The following NUP153 variants were observed in gnomAD, a reference collection of about 807,000 sequenced individuals.
NUP153 encodes nucleoporin 153, also known as nuclear pore complex protein Nup153.
NUP153 carries 27 observed loss-of-function variants against 134.6 expected under a neutral mutation model. That is an observed-to-expected ratio of 0.20 (90% CI 0.15 to 0.28). The LOEUF is 0.28. Among genes scored for constraint, NUP153 ranks in the 10% least tolerant of loss-of-function variants. The pLI, the probability that NUP153 is intolerant of heterozygous loss-of-function variation, is 1.00. For synonymous variants in NUP153, 640 were observed against 623.5 expected (o/e 1.03, Z -0.40); for missense variants, 1,821 against 1,731.3 (o/e 1.05, Z -0.92).
rs768853088 is a variant in NUP153, at chr6:17,706,329, C to T, written c.59G>A (p.Arg20His). The change falls in exon 1 of 22, where the codon CGT (arginine) becomes CAT (histidine). Residue 20 changes from arginine (R) to histidine (H), a missense_variant. Coordinates refer to ENST00000262077, the MANE Select transcript of NUP153 (RefSeq NM_005124.4). This position sits in a 1 kb window ranked among gnomAD's most constrained non-coding sequence, Gnocchi z 5.9. ...GGGGGKIRTR[R>H]CHQGPIKPYQ... ...AGGCTTAATTGGCCCCTGGTGGCAA[C>T]GCCGCGTCCGGATCTTGCCGCCACC... The T allele has an allele frequency of 3.1e-6, 5 of 1,613,620 alleles. 1 individual carries two copies. The South Asian group carries it at 4.4e-5, about 14-fold the overall frequency.
At chr6:17,619,329 G>A (rs1764521060) in intron 20 of NUP153, among the ~76,000 whole-genome samples, 2 of 152,150 alleles carry the variant, frequency 1.3e-5, no homozygotes, top group South Asian at 4.1e-4. Flanking sequence ...GAACCCTCAA[G>A]AATCACTGGA....
Position 17,616,584 on chromosome 6 carries a change from T to A in NUP153, c.4286A>T (p.Gln1429Leu). The change falls in exon 21 of 22, where the codon CAG (glutamine) becomes CTG (leucine). Residue 1429 changes from glutamine to leucine, a missense_variant. Coordinates refer to ENST00000262077, the MANE Select transcript of NUP153 (RefSeq NM_005124.4). ...ANSSTPAASA[Q>L]PSGSGGFPFN... ...TGGAAAGCCCCCCGAGCCTGAAGGC[T>A]GGGCTGAGGCTGCAGGTGTGCTAGA... is the stretch of plus-strand genomic sequence containing the variant. 1 of 1,614,198 alleles carries A rather than the reference T, an allele frequency of 6.2e-7. No homozygotes were observed. The highest frequency in any genetic ancestry group is 1.1e-5 in the South Asian group (1 of 91,086).
chr6:17,652,175 T>C (rs1766533355), intron 11 of NUP153, among the ~76,000 whole-genome samples: 1 of 151,960 alleles, frequency 6.6e-6, no homozygotes, highest in East Asian at 1.9e-4. Flanking sequence ...CCATGAAAAA[T>C]GAATAAGAAC....
At chr6:17,694,804 C>A (rs1402878456) in intron 1 of NUP153, among the ~76,000 whole-genome samples, 1 of 151,992 alleles carries the variant, frequency 6.6e-6, no homozygotes, top group Non-Finnish European at 1.5e-5. Context: ...TAGTGAAACC[C>A]CGTCTCTACT....
chr6:17,685,998 A>T (rs1488652339), intron 2 of NUP153, among the ~76,000 whole-genome samples: 2 of 152,034 alleles, frequency 1.3e-5, no homozygotes, highest in South Asian at 2.1e-4. Flanking sequence ...ATTAAAAAAA[A>T]TTTGCTGGGC....
Position 17,675,009 on chromosome 6 carries a change from T to C in NUP153, c.748A>G (p.Lys250Glu). 3 of 1,613,640 alleles carry C rather than the reference T, an allele frequency of 1.9e-6. No individual in the cohort carries two copies. Among genetic ancestry groups the C allele is most frequent in the Non-Finnish European group, 2.5e-6 (3 of 1,179,774 alleles). Reference sequence around the variant, plus strand: ...GGAGAATCTCCAAGCTGACTGGTTTTAAGGATTGAAGAATTCCCAAGTGAC... The same window carrying C: ...GGAGAATCTCCAAGCTGACTGGTTTCAAGGATTGAAGAATTCCCAAGTGAC... ...SPSLGNSSIL[K>E]TSQLGDSPFY... The change falls in exon 5 of 22, where the codon AAA becomes GAA. Residue 250 changes from lysine (K) to glutamate (E), a missense_variant. Lys to Glu is a moderately conservative substitution (Grantham distance 56). Transcript: ENST00000262077. This position sits in a 1 kb window ranked among gnomAD's most constrained non-coding sequence, Gnocchi z 4.4.
rs777730145 is a variant in NUP153 at position 17,665,403 on chromosome 6, A to T, written c.1069-18T>A. 6 of 1,582,648 alleles carry T rather than the reference A, an allele frequency of 3.8e-6. No individual in the cohort carries two copies. The highest frequency in any genetic ancestry group is 4.5e-5 in the East Asian group (2 of 44,498). On this transcript the variant is annotated intron_variant, in intron 8 of 21. Transcript: ENST00000262077. The stretch of plus-strand genomic sequence containing the variant: ...GAATCCACCTTACAGGTAAAGAGAA[A>T]TCAAAAACATTTATTTTCATATAAA...
At position 17,641,207 on chromosome 6, in the gene NUP153, T is replaced by G. The variant is rs967718527; in HGVS notation, c.1721-1143A>C. Reference sequence around the variant, plus strand: ...CTGACATGTAAGTTTCTGTGTGGGATGGGGAGAGGAGGGATGGAACAAAAG... The same window carrying G: ...CTGACATGTAAGTTTCTGTGTGGGAGGGGGAGAGGAGGGATGGAACAAAAG... On this transcript the variant is annotated intron_variant, in intron 14 of 21. Transcript: ENST00000262077. Among the ~76,000 whole-genome samples, 3 of 151,886 alleles carry G rather than the reference T, an allele frequency of 2.0e-5. No homozygotes were observed. In the East Asian group the frequency reaches 5.8e-4, roughly 29 times the overall value.
chr6:17,648,097 A>G (rs1766305885), intron 12 of NUP153, among the ~76,000 whole-genome samples, 192 bp from the exon 13 acceptor site: 1 of 152,230 alleles, frequency 6.6e-6, no homozygotes, highest in Admixed American at 6.5e-5. Flanking sequence ...TAAGGAGTAC[A>G]CACAATCTTA....
chr6:17,685,064 TC>T (rs747438162), intron 2 of NUP153, among the ~76,000 whole-genome samples: 7 of 152,194 alleles, frequency 4.6e-5, no homozygotes, highest in Non-Finnish European at 1.0e-4. Flanking sequence ...ATGGCACTGA[TC>T]AACTTTCTTG....
At chr6:17,701,841 G>C (rs934811183) in intron 1 of NUP153, among the ~76,000 whole-genome samples, 1 of 103,180 alleles carries the variant, frequency 9.7e-6, no homozygotes, top group Non-Finnish European at 2.1e-5. Context: ...TCGGGGGGGG[G>C]GGGAAAAAAG....
At chr6:17,692,431 T>C (rs1447562585) in intron 1 of NUP153, among the ~76,000 whole-genome samples, 2 of 152,080 alleles carry the variant, frequency 1.3e-5, no homozygotes, top group Admixed American at 1.3e-4. Flanking sequence ...GGAGAATCAC[T>C]TGAGCCTAGG....
At chr6:17,682,384 C>G (rs180726969) in intron 2 of NUP153, among the ~76,000 whole-genome samples, 18 of 152,236 alleles carry the variant, frequency 1.2e-4, no homozygotes, top group African/African-American at 2.6e-4. Context: ...TTGGTTGTAG[C>G]AATTTCTTAA....
chr6:17,662,370 T>C (rs767892886), intron 9 of NUP153, among the ~76,000 whole-genome samples: 2 of 152,174 alleles, frequency 1.3e-5, no homozygotes, highest in Non-Finnish European at 2.9e-5. Flanking sequence ...TTTTGTCCTG[T>C]TAATTGTGCA....
intron 2 of NUP153, among the ~76,000 whole-genome samples, chr6:17,678,692 C>A (rs1457217323): frequency 6.6e-6 from 1 of 152,064 alleles, no homozygotes; most frequent in East Asian, 1.9e-4. Flanking sequence ...GCCTGTAGTC[C>A]CAACACTTTA....
At chr6:17,640,997 G>A (rs1416516598) in intron 14 of NUP153, among the ~76,000 whole-genome samples, 3 of 152,238 alleles carry the variant, frequency 2.0e-5, no homozygotes, top group African/African-American at 7.2e-5. Flanking sequence ...CATCTAAAGA[G>A]TAATGGTAGC....
intron 1 of NUP153, among the ~76,000 whole-genome samples, chr6:17,697,222 G>C (rs1452413100): frequency 6.6e-6 from 1 of 152,128 alleles, no homozygotes; most frequent in Non-Finnish European, 1.5e-5. Flanking sequence ...CTCTCTCCAA[G>C]AAAGAAGGGT....
chr6:17,636,720 G>C (rs1311932756), intron 16 of NUP153, among the ~76,000 whole-genome samples: 1 of 152,158 alleles, frequency 6.6e-6, no homozygotes, highest in African/African-American at 2.4e-5. Flanking sequence ...TACAATCATT[G>C]CAACAGCTAC....
At chr6:17,645,286 TATTC>T in intron 14 of NUP153, among the ~76,000 whole-genome samples, 1 of 151,750 alleles carries the variant, frequency 6.6e-6, no homozygotes, top group African/African-American at 2.4e-5. Flanking sequence ...ATTCTCTGAT[TATTC>T]ATTCATTTCT....
Sources: allele counts gnomAD v4.1 joint callset (sites outside exome capture counted in the v4.1 genomes callset), GRCh38; gene constraint gnomAD v4.1.1; non-coding constraint Gnocchi (gnomAD v3.1); transcripts MANE v1.5; gene names NCBI Gene and HGNC (gene_info 2026-07-23, HGNC 2026-07-21).